Variants in PTPRO observed in about 807,000 individuals in gnomAD.
The protein encoded by PTPRO is protein tyrosine phosphatase receptor type O, also known as receptor-type tyrosine-protein phosphatase O.
Under a neutral mutation model 145.2 loss-of-function variants are expected in PTPRO, and 62 were observed. The observed-to-expected ratio is 0.43, with a 90% CI of 0.35 to 0.53. The LOEUF (loss-of-function observed/expected upper bound fraction) is 0.53, where lower values mean the gene tolerates loss of function less well. Ranked by LOEUF, PTPRO falls within the 20% of genes least tolerant of loss-of-function variation. The probability of loss-of-function intolerance (pLI) is 0.01; values close to 1 mark genes in which losing one functional copy is unlikely to be tolerated. For missense variants in PTPRO, 1,345 were observed against 1,482.7 expected (o/e 0.91, Z 1.53); for synonymous variants, 565 against 514.7 (o/e 1.10, Z -1.32).
intron 25 of PTPRO, among the ~76,000 whole-genome samples, chr12:15,591,927 T>G (rs1213880635): frequency 6.6e-6 from 1 of 151,950 alleles, no homozygotes; most frequent in Non-Finnish European, 1.5e-5. Context: ...AAAAATAAAG[T>G]GCAGTATCCC....
chr12:15,405,536 C>T (rs1939624082), intron 1 of PTPRO, among the ~76,000 whole-genome samples: 1 of 152,128 alleles, frequency 6.6e-6, no homozygotes, highest in Admixed American at 6.5e-5. Flanking sequence ...TGGGAAAAGG[C>T]ATTATTTTCT....
chr12:15,542,546 C>T (rs1363337840), intron 12 of PTPRO, among the ~76,000 whole-genome samples: 1 of 152,124 alleles, frequency 6.6e-6, no homozygotes, highest in Admixed American at 6.5e-5. Flanking sequence ...TTCCAGACTT[C>T]TACTCTAGGC....
chr12:15,515,992 G>GTTTTTT (rs869246291), intron 8 of PTPRO, among the ~76,000 whole-genome samples: 93 of 126,820 alleles, frequency 7.3e-4, no homozygotes, highest in Non-Finnish European at 1.3e-3. Flanking sequence ...TTTTTGTTTT[G>GTTTTTT]TTTTTTTTTT....
intron 15 of PTPRO, among the ~76,000 whole-genome samples, chr12:15,554,032 T>G (rs552029836): frequency 1.7e-4 from 26 of 152,262 alleles, no homozygotes; most frequent in African/African-American, 6.0e-4. Context: ...CTGTCTCTAC[T>G]GAAAATACAA....
At chr12:15,462,793 T>C in intron 1 of PTPRO, among the ~76,000 whole-genome samples, 1 of 152,216 alleles carries the variant, frequency 6.6e-6, no homozygotes, top group East Asian at 1.9e-4. Context: ...ACAATTGTTA[T>C]TATTCTTTTC....
intron 7 of PTPRO, among the ~76,000 whole-genome samples, chr12:15,513,520 T>C (rs10846187): frequency 0.3 from 46,017 of 152,112 alleles, 7,629 homozygotes; most frequent in Middle Eastern, 0.39. Flanking sequence ...TTTACTTACA[T>C]GCAGAGGAAG....
chr12:15,571,851 G>T (rs1228377451), intron 19 of PTPRO, among the ~76,000 whole-genome samples: 1 of 152,182 alleles, frequency 6.6e-6, no homozygotes, highest in Non-Finnish European at 1.5e-5. Context: ...TCCCAATAAA[G>T]AGAGGGTATT....
intron 1 of PTPRO, among the ~76,000 whole-genome samples, chr12:15,403,354 G>A (rs1023041955): frequency 1.1e-4 from 16 of 152,084 alleles, no homozygotes; most frequent in East Asian, 7.7e-4. Context: ...AGGCCGAGGC[G>A]GATGGATCAC....
At chr12:15,499,416 T>C (rs748127209) in intron 3 of PTPRO, 26 bp from the exon 4 acceptor site, 3 of 1,604,984 alleles carry the variant, frequency 1.9e-6, no homozygotes, top group Non-Finnish European at 2.6e-6. Flanking sequence ...ACCATATTTT[T>C]CATGTAATTG....
chr12:15,472,270 T>A (rs1366610680), intron 1 of PTPRO, among the ~76,000 whole-genome samples: 1 of 152,200 alleles, frequency 6.6e-6, no homozygotes, highest in Non-Finnish European at 1.5e-5. Context: ...AACACCCTCC[T>A]TACTGCCTAT....
At chr12:15,425,862 T>C (rs1255644500) in intron 1 of PTPRO, among the ~76,000 whole-genome samples, 1 of 152,070 alleles carries the variant, frequency 6.6e-6, no homozygotes, top group Non-Finnish European at 1.5e-5. Flanking sequence ...GTTCCCTTTT[T>C]AAAATATACT....
At chr12:15,363,233 G>A (rs926912109) in intron 1 of PTPRO, among the ~76,000 whole-genome samples, 3 of 152,114 alleles carry the variant, frequency 2.0e-5, no homozygotes, top group African/African-American at 7.2e-5. Flanking sequence ...AATTCTTTGA[G>A]CTTCCTCAAT....
intron 7 of PTPRO, among the ~76,000 whole-genome samples, chr12:15,509,136 G>A (rs12369545): frequency 0.3 from 46,053 of 152,004 alleles, 7,627 homozygotes; most frequent in Middle Eastern, 0.39. Context: ...TGCACTGTAT[G>A]GAATAAGGCC....
chr12:15,347,702 C>T (rs1867273806), intron 1 of PTPRO, among the ~76,000 whole-genome samples: 1 of 152,110 alleles, frequency 6.6e-6, no homozygotes, highest in Non-Finnish European at 1.5e-5. Context: ...AAGGACTGAA[C>T]CAGAGACTCT....
At chr12:15,505,466 T>C (rs1942302602) in intron 6 of PTPRO, among the ~76,000 whole-genome samples, 1 of 152,206 alleles carries the variant, frequency 6.6e-6, no homozygotes, top group Non-Finnish European at 1.5e-5. Context: ...ACTAGTGCCA[T>C]TGAGAATATG....
intron 1 of PTPRO, among the ~76,000 whole-genome samples, chr12:15,476,416 G>GT (rs1334153542): frequency 3.3e-5 from 5 of 151,814 alleles, no homozygotes; most frequent in Non-Finnish European, 7.4e-5. Context: ...GGGGTTGTTT[G>GT]TTTTTTTCTT....
intron 1 of PTPRO, among the ~76,000 whole-genome samples, chr12:15,323,140 C>G (rs778516605): frequency 6.6e-6 from 1 of 152,244 alleles, no homozygotes; most frequent in Non-Finnish European, 1.5e-5. Context: ...CTGGTTTCCA[C>G]TGCACCCCAA....
chr12:15,345,783 T>G (rs1366494410), intron 1 of PTPRO, among the ~76,000 whole-genome samples: 1 of 152,186 alleles, frequency 6.6e-6, no homozygotes, highest in Non-Finnish European at 1.5e-5. Flanking sequence ...AAGAGATTCT[T>G]AAGACCACTC....
At chr12:15,485,513 T>C (rs954471697) in intron 2 of PTPRO, among the ~76,000 whole-genome samples, 2 of 152,174 alleles carry the variant, frequency 1.3e-5, no homozygotes, top group African/African-American at 4.8e-5. Flanking sequence ...CCAAGCCTTA[T>C]GCTTGCTTAA....
Sources: gnomAD v4.1 joint callset for allele counts (sites outside exome capture counted in the v4.1 genomes callset) on GRCh38, gnomAD v4.1.1 for gene constraint, MANE v1.5 for transcripts, NCBI Gene and HGNC (gene_info 2026-07-23, HGNC 2026-07-21) for gene names.